AUTS2: variants seen among roughly 807,000 people sequenced by gnomAD.
The protein encoded by AUTS2 is activator of transcription and developmental regulator AUTS2.
A neutral mutation model predicts 112.4 loss-of-function variants in AUTS2; 17 were observed. The observed-to-expected ratio is 0.15, with a 90% CI of 0.10 to 0.23. The LOEUF (loss-of-function observed/expected upper bound fraction) is 0.23. AUTS2 is among the 10% of genes least tolerant of loss of function. AUTS2 has a pLI of 1.00. For missense variants in AUTS2, 1,510 were observed against 1,701.6 expected (o/e 0.89, Z 1.98); for synonymous variants, 751 against 702.7 (o/e 1.07, Z -1.09).
At chr7:70,272,612 T>G (rs1201745891) in intron 4 of AUTS2, among the ~76,000 whole-genome samples, 3 of 148,502 alleles carry the variant, frequency 2.0e-5, no homozygotes, top group Non-Finnish European at 3.0e-5. Context: ...GGTTCTCTCG[T>G]TTTTTTTTCT....
intron 1 of AUTS2, among the ~76,000 whole-genome samples, chr7:69,703,847 C>T (rs1216712306): frequency 1.3e-5 from 2 of 152,182 alleles, no homozygotes; most frequent in Non-Finnish European, 2.9e-5. Flanking sequence ...TTTTAAAATG[C>T]ATGTATGTAA....
intron 3 of AUTS2, among the ~76,000 whole-genome samples, chr7:70,128,563 A>G (rs1260868333): frequency 2.0e-5 from 3 of 152,200 alleles, no homozygotes; most frequent in Admixed American, 1.3e-4. Context: ...AGGAACAACA[A>G]GCTTAGAGGC....
chr7:70,664,689 A>G (rs1807239315), intron 5 of AUTS2, among the ~76,000 whole-genome samples: 1 of 152,190 alleles, frequency 6.6e-6, no homozygotes, highest in African/African-American at 2.4e-5. Context: ...CATCAGTGGC[A>G]TGGCACAGAG....
intron 1 of AUTS2, among the ~76,000 whole-genome samples, chr7:69,780,847 G>A (rs1040228492): frequency 1.3e-5 from 2 of 152,264 alleles, no homozygotes; most frequent in East Asian, 1.9e-4. Context: ...AAAATAGACC[G>A]AAACAACCTC....
chr7:70,256,036 T>C (rs1786850496), intron 4 of AUTS2, among the ~76,000 whole-genome samples: 1 of 152,184 alleles, frequency 6.6e-6, no homozygotes, highest in South Asian at 2.1e-4. Flanking sequence ...TGCTTTGTTA[T>C]GGTGTTTCCA....
At chr7:70,727,028 C>T (rs940074689) in intron 6 of AUTS2, among the ~76,000 whole-genome samples, 5 of 152,146 alleles carry the variant, frequency 3.3e-5, no homozygotes, top group African/African-American at 4.8e-5. Flanking sequence ...CTGTCCTCAC[C>T]CTCCTCGTCA....
At chr7:70,695,557 C>A (rs1018220307) in intron 5 of AUTS2, among the ~76,000 whole-genome samples, 1 of 152,230 alleles carries the variant, frequency 6.6e-6, no homozygotes, top group Non-Finnish European at 1.5e-5. Flanking sequence ...CGAAAGCCCC[C>A]CTTCTCGCCT....
intron 5 of AUTS2, among the ~76,000 whole-genome samples, chr7:70,633,761 A>G (rs986521238): frequency 6.6e-6 from 1 of 152,204 alleles, no homozygotes; most frequent in African/African-American, 2.4e-5. Flanking sequence ...TAATGCCTCA[A>G]TTGAAATTTC....
chr7:70,643,111 GC>G (rs1171628993), intron 5 of AUTS2, among the ~76,000 whole-genome samples: 13 of 152,240 alleles, frequency 8.5e-5, no homozygotes, highest in African/African-American at 3.1e-4. Flanking sequence ...TGATTCCTCA[GC>G]CTCCACAGAT....
At chr7:70,703,490 C>CAAAAAAAAAAAAAAAAAAAAAA (rs57223380) in intron 6 of AUTS2, among the ~76,000 whole-genome samples, 2 of 98,640 alleles carry the variant, frequency 2.0e-5, no homozygotes, top group Non-Finnish European at 3.8e-5. Context: ...GACACCATTT[C>CAAAAAAAAAAAAAAAAAAAAAA]AAAAAAAAAA....
chr7:69,675,661 C>CA (rs1796531301), intron 1 of AUTS2, among the ~76,000 whole-genome samples: 1 of 151,904 alleles, frequency 6.6e-6, no homozygotes, highest in African/African-American at 2.4e-5. Flanking sequence ...TGTGCGCCAC[C>CA]ACACCTGGCT....
At chr7:70,059,027 C>A (rs1052337906) in intron 2 of AUTS2, among the ~76,000 whole-genome samples, 1 of 152,148 alleles carries the variant, frequency 6.6e-6, no homozygotes, top group South Asian at 2.1e-4. Flanking sequence ...AACATAATCA[C>A]CCATCTTACA....
chr7:69,758,829 A>G (rs1250299272), intron 1 of AUTS2, among the ~76,000 whole-genome samples: 1 of 152,136 alleles, frequency 6.6e-6, no homozygotes, highest in Admixed American at 6.6e-5. Context: ...TGTGCCCTCT[A>G]GTAAGAGATG....
chr7:70,688,316 A>G (rs963903878), intron 5 of AUTS2, among the ~76,000 whole-genome samples: 1 of 152,168 alleles, frequency 6.6e-6, no homozygotes, highest in Non-Finnish European at 1.5e-5. Flanking sequence ...TGTGAATTCT[A>G]TCCACAAGAA....
intron 2 of AUTS2, among the ~76,000 whole-genome samples, chr7:69,922,091 A>G (rs954704381): frequency 1.3e-5 from 2 of 152,192 alleles, no homozygotes; most frequent in Non-Finnish European, 2.9e-5. Context: ...AAAAAAAATT[A>G]GTAAATGTTG....
chr7:70,626,150 T>C (rs1042583460), intron 5 of AUTS2, among the ~76,000 whole-genome samples: 1 of 151,872 alleles, frequency 6.6e-6, no homozygotes, highest in Non-Finnish European at 1.5e-5. Flanking sequence ...TGACATCAGG[T>C]GATCCACCTG....
At chr7:70,669,686 A>G (rs1807536091) in intron 5 of AUTS2, among the ~76,000 whole-genome samples, 1 of 152,230 alleles carries the variant, frequency 6.6e-6, no homozygotes, top group Non-Finnish European at 1.5e-5. Flanking sequence ...AATCAGAGTT[A>G]GTCCATTTCT....
chr7:70,285,196 T>A (rs1454757155), intron 4 of AUTS2, among the ~76,000 whole-genome samples: 1 of 152,198 alleles, frequency 6.6e-6, no homozygotes, highest in Non-Finnish European at 1.5e-5. Flanking sequence ...GAATTATATT[T>A]GGAATAAATT....
At chr7:70,275,414 A>G (rs943968288) in intron 4 of AUTS2, among the ~76,000 whole-genome samples, 2 of 152,218 alleles carry the variant, frequency 1.3e-5, no homozygotes, top group African/African-American at 2.4e-5. Flanking sequence ...ATAGGGAGTT[A>G]CCCATTCATG....
Sources: allele counts gnomAD v4.1 joint callset (sites outside exome capture counted in the v4.1 genomes callset), GRCh38; gene constraint gnomAD v4.1.1; transcripts MANE v1.5; gene names NCBI Gene and HGNC (gene_info 2026-07-23, HGNC 2026-07-21).